AHCY: variants seen among roughly 807,000 people sequenced by gnomAD.
AHCY encodes the protein S-adenosyl-L-homocysteine hydrolase.
A neutral mutation model predicts 45.4 loss-of-function variants in AHCY; 24 were observed. The ratio of observed to expected loss-of-function variants is 0.53; its 90% CI spans 0.38 to 0.74. The LOEUF is 0.74. Among genes scored for constraint, AHCY ranks in the 30% least tolerant of loss-of-function variants. The pLI, the probability that AHCY is intolerant of heterozygous loss-of-function variation, is 0.00. For missense variants in AHCY, 449 were observed against 594.1 expected (o/e 0.76, Z 2.54); for synonymous variants, 245 against 235.1 (o/e 1.04, Z -0.39).
chr20:34,237,441 T>C, the AHCY span, among the ~76,000 whole-genome samples: 1 of 152,234 alleles, frequency 6.6e-6, no homozygotes, highest in African/African-American at 2.4e-5. Flanking sequence ...TGAATCATTT[T>C]CTTAATTTCC....
chr20:34,299,227 T>C (rs1482230063), intron 1 of AHCY, among the ~76,000 whole-genome samples: 3 of 152,014 alleles, frequency 2.0e-5, no homozygotes, highest in African/African-American at 7.2e-5. Flanking sequence ...CCTGATTCCA[T>C]ATCCCCTCTC....
the AHCY span, among the ~76,000 whole-genome samples, chr20:34,243,883 T>C: frequency 6.6e-6 from 1 of 151,740 alleles, no homozygotes; most frequent in Non-Finnish European, 1.5e-5. Flanking sequence ...GCTAACACGA[T>C]GAAACCCCGT....
chr20:34,265,707 T>C, the AHCY span, among the ~76,000 whole-genome samples: 1 of 152,044 alleles, frequency 6.6e-6, no homozygotes, highest in African/African-American at 2.4e-5. Flanking sequence ...CCCAGCACTT[T>C]GGGAGGCCAA....
the AHCY span, among the ~76,000 whole-genome samples, chr20:34,262,118 A>G: frequency 6.7e-6 from 1 of 149,640 alleles, no homozygotes. Flanking sequence ...GTCTCAAAAG[A>G]AAAAAAAAAG....
the AHCY span, chr20:34,260,619 C>A: frequency 4.3e-6 from 6 of 1,388,190 alleles, no homozygotes; most frequent in Non-Finnish European, 5.9e-6. Flanking sequence ...CCAGGATCCA[C>A]CGCCATGGTC....
chr20:34,292,395 G>A lies in AHCY; in HGVS notation c.408C>T (p.Thr136=), dbSNP rs1182822736. ...GCGGGTACTTGGTGTGGATGAGGTT[G>A]GTGAGGTCGCCCCCGTCGTCCAGAA... is the stretch of plus-strand genomic sequence containing the variant. The part of the protein sequence containing the change: ...NMILDDGGDL[T]NLIHTKYPQL... The change falls in exon 4 of 10, where the codon ACC becomes ACT. Residue 136 remains threonine (T), a synonymous_variant. Transcript: ENST00000217426. 6.2e-7 allele frequency: 1 copy of A among 1,613,576 alleles called. No individual in the cohort carries two copies. The highest frequency in any genetic ancestry group is 2.2e-5 in the East Asian group (1 of 44,904).
intron 1 of AHCY, chr20:34,301,984 T>C (rs2036788013): frequency 1.0e-6 from 1 of 981,690 alleles, no homozygotes; most frequent in Admixed American, 6.6e-5. Context: ...TTCTCCAGAC[T>C]TAATAGTGTC....
intron 9 of AHCY, 78 bp downstream of exon 9, chr20:34,285,362 T>A (rs1308212880): frequency 7.1e-6 from 11 of 1,549,166 alleles, no homozygotes; most frequent in Non-Finnish European, 9.8e-6. Context: ...AAGCACTTTA[T>A]AAACTCTGGC....
chr20:34,259,797 G>A, the AHCY span, among the ~76,000 whole-genome samples: 1 of 151,860 alleles, frequency 6.6e-6, no homozygotes, highest in Admixed American at 6.6e-5. Context: ...ATAAATCCAG[G>A]GGGCCTATGT....
At chr20:34,296,672 G>A (rs1169365211) in intron 1 of AHCY, among the ~76,000 whole-genome samples, 3 of 152,026 alleles carry the variant, frequency 2.0e-5, no homozygotes, top group East Asian at 1.9e-4. Flanking sequence ...AGACTTCCCC[G>A]GTAAGGGATG....
chr20:34,249,099 A>ATG, the AHCY span, among the ~76,000 whole-genome samples: 1 of 152,116 alleles, frequency 6.6e-6, no homozygotes, highest in Admixed American at 6.5e-5. Flanking sequence ...ACTGCACTCC[A>ATG]GCCTGGGTGA....
At chr20:34,306,370 C>CTT (rs11478081), upstream of AHCY, among the ~76,000 whole-genome samples, 5 of 137,806 alleles carry the variant, frequency 3.6e-5, no homozygotes, top group African/African-American at 5.3e-5. Context: ...ATTTCAGCTT[C>CTT]TTTTTTTTTT....
chr20:34,269,046 G>A, the AHCY span: 1 of 1,604,854 alleles, frequency 6.2e-7, no homozygotes, highest in Non-Finnish European at 8.5e-7. Context: ...TCTGCGCCCT[G>A]CGTGGCCACC....
chr20:34,292,322 C>T, intron 4 of AHCY, 36 bp downstream of exon 4: 2 of 1,606,828 alleles, frequency 1.2e-6, no homozygotes, highest in South Asian at 2.2e-5. Context: ...CCACCCAGGC[C>T]ACCAGCACCC....
At position 34,290,838 on chromosome 20, in the gene AHCY, C is replaced by A. The variant is rs2036358779; in HGVS notation, c.659G>T (p.Gly220Val). ...MIAGKVAVVA[G>V]YGDVGKGCAQ... ...ACAGCCCTTGCCCACATCACCATAG[C>A]CTGCTACCACCGCTACCTTGCCGGC... The change falls in exon 6 of 10, where the codon GGC becomes GTC. Residue 220 changes from glycine to valine, a missense_variant. By Grantham distance (109) the Gly-to-Val change is moderately radical. Coordinates refer to ENST00000217426, the MANE Select transcript of AHCY (RefSeq NM_000687.4). The surrounding 1 kb of genome is among the most constrained non-coding windows in gnomAD (Gnocchi z 4.5). 1 of 1,614,166 alleles carries A rather than the reference C, an allele frequency of 6.2e-7. No homozygotes were observed. Among genetic ancestry groups the A allele is most frequent in the Non-Finnish European group, 8.5e-7 (1 of 1,180,024 alleles).
At chr20:34,252,768 GGA>G in the AHCY span, among the ~76,000 whole-genome samples, 1 of 152,176 alleles carries the variant, frequency 6.6e-6, no homozygotes, top group Admixed American at 6.5e-5. Context: ...CTCAGTGGGG[GGA>G]AACCTTGGAC....
chr20:34,279,700 T>C (rs819172), downstream of AHCY, among the ~76,000 whole-genome samples: 114,624 of 152,154 alleles, frequency 0.75, 46,122 homozygotes, highest in Non-Finnish European at 0.89. Flanking sequence ...GATGAGCATC[T>C]AAGCCAGAGT....
the AHCY span, among the ~76,000 whole-genome samples, chr20:34,267,735 C>G: frequency 2.6e-5 from 4 of 151,656 alleles, no homozygotes; most frequent in Non-Finnish European, 5.9e-5. Flanking sequence ...TTCTCCATGT[C>G]GGTCGGGCTG....
chr20:34,255,494 C>A, the AHCY span, among the ~76,000 whole-genome samples: 2 of 151,746 alleles, frequency 1.3e-5, no homozygotes, highest in South Asian at 4.2e-4. Context: ...GGCAAGAGAC[C>A]GAGGGCACAA....
Sources: gnomAD v4.1 joint callset for allele counts (sites outside exome capture counted in the v4.1 genomes callset) on GRCh38, gnomAD v4.1.1 for gene constraint, Gnocchi (gnomAD v3.1) non-coding constraint, MANE v1.5 for transcripts, NCBI Gene and HGNC (gene_info 2026-07-23, HGNC 2026-07-21) for gene names.